COQ10A: variants seen among roughly 807,000 people sequenced by gnomAD.
COQ10A encodes coenzyme Q10A.
A neutral mutation model predicts 26.1 loss-of-function variants in COQ10A; 25 were observed. The observed-to-expected ratio is 0.96, with a 90% CI of 0.70 to 1.34. The LOEUF (loss-of-function observed/expected upper bound fraction) is 1.34, where lower values mean the gene tolerates loss of function less well. Among genes scored for constraint, COQ10A ranks in the 40% most tolerant of loss-of-function variants. COQ10A has a pLI of 0.00. For missense variants in COQ10A, 312 were observed against 335.4 expected (o/e 0.93, Z 0.54); for synonymous variants, 132 against 124.0 (o/e 1.06, Z -0.43).
chr12:56,267,805 C>T lies in COQ10A; in HGVS notation c.146C>T (p.Ser49Phe). 6.2e-7 allele frequency: 1 copy of T among 1,614,206 alleles called. No individual in the cohort carries two copies. The highest frequency in any genetic ancestry group is 8.5e-7 in the Non-Finnish European group (1 of 1,180,036). The stretch of plus-strand genomic sequence containing the variant: ...TCCTTTGGCCTTAGGTTTCTGACCT[C>T]CTGCAGCCTCCTCTTGCCTCGGGCT... ...PPPRPMRFLTSCSLLLPRAAQ... is the reference protein window; with the variant it reads ...PPPRPMRFLTFCSLLLPRAAQ... Residue 49 changes from serine to phenylalanine, a missense_variant, in exon 2 of 5, where the codon TCC becomes TTC. Transcript: ENST00000308197.
At chr12:56,269,281 ATTTT>A in intron 3 of COQ10A, 30 bp downstream of exon 3, 1 of 1,602,158 alleles carries the variant, frequency 6.2e-7, no homozygotes, top group Non-Finnish European at 8.5e-7. Context: ...GATTGACAAG[ATTTT>A]TTGTTTTTAG....
chr12:56,270,774 T>C lies in COQ10A; in HGVS notation c.*457T>C, dbSNP rs138277354. ...AAGGCAACCTGCCTCCAGCCTGAAA[T>C]ACATAAAGCCTCATTTTAAGACTGT... On this transcript the variant is annotated 3_prime_UTR_variant, in exon 5 of 5. Transcript: ENST00000308197. The C allele has an allele frequency of 6.5e-6, 1 of 153,746 alleles. No homozygotes were observed. Among genetic ancestry groups the C allele is most frequent in the African/African-American group, 2.4e-5 (1 of 41,590 alleles). The allele number at this position is 153,746 out of a possible 1,614,324, so 9.5% of individuals were successfully genotyped here.
intron 4 of COQ10A, 39 bp downstream of exon 4, chr12:56,269,600 G>T: frequency 7.5e-7 from 1 of 1,330,612 alleles, no homozygotes; most frequent in East Asian, 2.3e-5. Flanking sequence ...CGAGGACTGG[G>T]TATGAGGAAG....
chr12:56,268,185 G>A (rs1872407630), intron 2 of COQ10A: 1 of 531,042 alleles, frequency 1.9e-6, no homozygotes, highest in South Asian at 2.1e-5. Flanking sequence ...AGACAACAGG[G>A]CGTAGCTGGG....
intron 4 of COQ10A, 163 bp from the exon 5 acceptor site, chr12:56,269,987 C>CA (rs1872464600): frequency 1.5e-6 from 1 of 678,604 alleles, no homozygotes; most frequent in South Asian, 1.8e-5. Flanking sequence ...GAGCTTGTGT[C>CA]AGACTCGTAC....
chr12:56,267,583 C>A, intron 1 of COQ10A: 1 of 1,108,824 alleles, frequency 9.0e-7, no homozygotes, highest in Non-Finnish European at 1.4e-6. Context: ...TCATCCCCCT[C>A]ACCCCGCCCC....
At chr12:56,267,408 G>A (rs375346802) in intron 1 of COQ10A, 156 bp downstream of exon 1, 2 of 1,614,000 alleles carry the variant, frequency 1.2e-6, no homozygotes, top group Non-Finnish European at 1.7e-6. Context: ...GCTTTTGCAA[G>A]TTGTACGAGA....
chr12:56,267,443 C>T, intron 1 of COQ10A, 191 bp downstream of exon 1: 1 of 1,613,854 alleles, frequency 6.2e-7, no homozygotes, highest in Non-Finnish European at 8.5e-7. Flanking sequence ...GGTGAGTGTC[C>T]AACCTCTTCT....
At chr12:56,268,701 A>G (rs1350842572) in intron 2 of COQ10A, 1 of 199,992 alleles carries the variant, frequency 5.0e-6, no homozygotes, top group Non-Finnish European at 1.0e-5. Flanking sequence ...TCAGGTGAGA[A>G]AATGGAGACA....
chr12:56,270,236 T>G lies in COQ10A; in HGVS notation c.663T>G (p.Phe221Leu). Residue 221 changes from phenylalanine to leucine, a missense_variant, in exon 5 of 5, where the codon TTT (phenylalanine) becomes TTG (leucine). Transcript: ENST00000308197. ...DEVVKQNVAA[F>L]ERRAATKFGP... ...TTGTCAAACAGAATGTTGCTGCCTTTGAGCGTCGGGCAGCCACCAAGTTTG... is the reference window on the plus strand; with the variant it reads ...TTGTCAAACAGAATGTTGCTGCCTTGGAGCGTCGGGCAGCCACCAAGTTTG... 6.2e-7 allele frequency: 1 copy of G among 1,614,194 alleles called. No homozygotes were observed. The highest frequency in any genetic ancestry group is 8.5e-7 in the Non-Finnish European group (1 of 1,180,012).
chr12:56,267,042 C>T lies in COQ10A; in HGVS notation c.-77C>T. On this transcript the variant is annotated 5_prime_UTR_variant, in exon 1 of 5. Coordinates refer to ENST00000308197, the MANE Select transcript of COQ10A (RefSeq NM_144576.4). ...AGGTCCCGAACCAGCCCAGCCGCTGCCTCTTGCCGCTCCGCCTTTGGAGTG... is the reference window on the plus strand; with the variant it reads ...AGGTCCCGAACCAGCCCAGCCGCTGTCTCTTGCCGCTCCGCCTTTGGAGTG... 3 of 1,211,178 alleles carry T rather than the reference C, an allele frequency of 2.5e-6. No homozygotes were observed. The South Asian group carries it at 1.1e-4, about 42-fold the overall frequency. The allele number at this position is 1,211,178 out of a possible 1,614,324, so 75.0% of individuals were successfully genotyped here.
rs760243472 is a variant in COQ10A, at chr12:56,269,498, G to C, written c.513G>C (p.Glu171Asp). ...CTDGKLFNHL[E>D]TIWRFSPGIP... Reference sequence around the variant, plus strand: ...ATGGCAAGCTCTTCAACCACTTAGAGACTATTTGGCGATTCAGCCCTGGTA... The same window carrying C: ...ATGGCAAGCTCTTCAACCACTTAGACACTATTTGGCGATTCAGCCCTGGTA... The change falls in exon 4 of 5, where the codon GAG becomes GAC. Residue 171 changes from glutamate (E) to aspartate (D), a missense_variant. Glu to Asp is a conservative substitution (Grantham distance 45). Coordinates refer to ENST00000308197, the MANE Select transcript of COQ10A (RefSeq NM_144576.4). 7.4e-6 allele frequency: 12 copies of C among 1,614,064 alleles called. No homozygotes were observed. Among genetic ancestry groups the C allele is most frequent in the Middle Eastern group, 1.6e-4 (1 of 6,084 alleles).
intron 4 of COQ10A, chr12:56,269,887 A>G (rs1457904279): frequency 1.9e-6 from 1 of 533,654 alleles, no homozygotes; most frequent in Non-Finnish European, 3.4e-6. Flanking sequence ...TTGGCCTCCC[A>G]AAGTGCTGGG....
rs560862174 is a variant in COQ10A at position 56,270,029 on chromosome 12, G to A, written c.577-121G>A. The A allele has an allele frequency of 1.6e-4, 157 of 964,366 alleles. 1 individual carries two copies. In the African/African-American group the frequency reaches 2.1e-3, roughly 13 times the overall value. The allele number at this position is 964,366 out of a possible 1,614,324, so 59.7% of individuals were successfully genotyped here. ...CTCAGTCCCAAGTTAGGGCTCTTAC[G>A]GGGATCCACGAACTGGATGGGGAGG... is the stretch of plus-strand genomic sequence containing the variant. On this transcript the variant is annotated intron_variant, in intron 4 of 4. Transcript: ENST00000308197.
At position 56,267,599 on chromosome 12, in the gene COQ10A, C is replaced by T. The variant is rs540555701; in HGVS notation, c.135-195C>T. 260 of 1,139,458 alleles carry T rather than the reference C, an allele frequency of 2.3e-4. 1 individual carries two copies. In the Middle Eastern group the frequency reaches 5.6e-3, roughly 25 times the overall value. The allele number at this position is 1,139,458 out of a possible 1,614,324, so 70.6% of individuals were successfully genotyped here. On this transcript the variant is annotated intron_variant, in intron 1 of 4. Transcript: ENST00000308197. ...CATCCCCCTCACCCCGCCCCCAGCC[C>T]TGTCCTTAGCTGCCCTCGACCTTTT...
chr12:56,269,640 T>A, intron 4 of COQ10A, 79 bp downstream of exon 4: 2 of 1,025,016 alleles, frequency 2.0e-6, no homozygotes, highest in Non-Finnish European at 3.1e-6. Flanking sequence ...GGTTATTAAT[T>A]TATTTGAGAT....
chr12:56,267,507 C>T lies in COQ10A; in HGVS notation c.134+255C>T, dbSNP rs993348493. 4.4e-6 allele frequency: 7 copies of T among 1,573,228 alleles called. No individual in the cohort carries two copies. In the African/African-American group the frequency reaches 9.5e-5, roughly 21 times the overall value. ...GGGGACAGTGATGCTTCCTTAAAGT[C>T]TTAGCTTTCAGCAGTAGTGTAGGCC... On this transcript the variant is annotated intron_variant, in intron 1 of 4. Coordinates refer to ENST00000308197, the MANE Select transcript of COQ10A (RefSeq NM_144576.4).
chr12:56,266,970 G>C lies in COQ10A; in HGVS notation c.-149G>C, dbSNP rs1354595267. 2.4e-5 allele frequency: 19 copies of C among 795,722 alleles called. No individual in the cohort carries two copies. The highest frequency in any genetic ancestry group is 3.2e-5 in the Non-Finnish European group (19 of 603,086). 49.3% of individuals were successfully genotyped at this position (795,722 alleles called of 1,614,324 possible). A position where few individuals can be genotyped will look rare whatever the true frequency, so the allele number is the denominator to read the frequency against. Reference sequence around the variant, plus strand: ...TCTAGCCTACCCGGCAGCCTGGACGGGAGCAAGGCGAGAGGTGCTGCCGCC... The same window carrying C: ...TCTAGCCTACCCGGCAGCCTGGACGCGAGCAAGGCGAGAGGTGCTGCCGCC... On this transcript the variant is annotated 5_prime_UTR_variant, in exon 1 of 5. Transcript: ENST00000308197.
At chr12:56,267,472 TG>T in intron 1 of COQ10A, 1 of 1,612,584 alleles carries the variant, frequency 6.2e-7, no homozygotes, top group Non-Finnish European at 8.5e-7. Flanking sequence ...GCGGGCGCCC[TG>T]GGGTCCCCGG....
Sources: gnomAD v4.1 joint callset for allele counts on GRCh38, gnomAD v4.1.1 for gene constraint, MANE v1.5 for transcripts, NCBI Gene and HGNC (gene_info 2026-07-23, HGNC 2026-07-21) for gene names.